Variants in PANK2 observed in about 807,000 individuals in gnomAD.
PANK2 encodes pantothenate kinase 2, mitochondrial.
In PANK2, 36 loss-of-function variants were observed where a neutral mutation model predicts 43.1. That is an observed-to-expected ratio of 0.84 (90% CI 0.64 to 1.10). The LOEUF is 1.10. PANK2 is among the 50% of genes least tolerant of loss of function. The pLI, the probability that PANK2 is intolerant of heterozygous loss-of-function variation, is 0.00. For synonymous variants in PANK2, 281 were observed against 238.2 expected, an observed-to-expected ratio of 1.18 and a Z score of -1.66; for missense variants, 576 against 593.3, an observed-to-expected ratio of 0.97 and a Z score of 0.30.
chr20:3,912,558 G>A lies in PANK2; in HGVS notation c.1006G>A (p.Val336Met), dbSNP rs770368638. ...GGCATCTCGTGGAGATAGCACCAAA[G>A]TGGATAAACTAGTACGAGATATTTA... Residue 336 changes from valine to methionine, a missense_variant, in exon 4 of 7, where the codon GTG becomes ATG. This residue lies in a region of PANK2 where 544 missense variants were observed against 528.9 expected (regional missense o/e 1.03). Coordinates refer to ENST00000610179, the MANE Select transcript of PANK2 (RefSeq NM_001386393.1). The A allele has an allele frequency of 1.2e-6, 2 of 1,614,196 alleles. No homozygotes were observed. The highest frequency in any genetic ancestry group is 2.2e-5 in the East Asian group (1 of 44,882).
rs368819545 is a variant in PANK2 at position 3,913,151 on chromosome 20, C to T, written c.1082+517C>T. 1.0e-3 allele frequency among the ~76,000 whole-genome samples: 152 copies of T among 152,016 alleles called. 3 individuals carry two copies. The South Asian group carries it at 0.029, about 29-fold the overall frequency. On this transcript the variant is annotated intron_variant, in intron 4 of 6. Transcript: ENST00000610179. The stretch of plus-strand genomic sequence containing the variant: ...AAAGAAACCTTGTGTTCATTAGCTA[C>T]GACTCTCCATTCCCCCCACAGCCCC...
In PANK2 at chr20:3,899,898, G is replaced by A. The variant is rs981727666; in HGVS notation, c.299-8028G>A. Among the ~76,000 whole-genome samples, 4 of 151,508 alleles carry A rather than the reference G, an allele frequency of 2.6e-5. No individual in the cohort carries two copies. The Admixed American group carries it at 2.6e-4, about 10-fold the overall frequency. Reference sequence around the variant, plus strand: ...AATGTTTTGTATTTTTAGTAGAGACGGGGTTTCACCATTCACAGGATGGTC... The same window carrying A: ...AATGTTTTGTATTTTTAGTAGAGACAGGGTTTCACCATTCACAGGATGGTC... On this transcript the variant is annotated intron_variant, in intron 1 of 6. Transcript: ENST00000610179.
rs71647846 is a variant in PANK2, at chr20:3,916,264, A to G, written c.1083-663A>G. On this transcript the variant is annotated intron_variant, in intron 4 of 6. Coordinates refer to ENST00000610179, the MANE Select transcript of PANK2 (RefSeq NM_001386393.1). ...GTTTAGAAGTACAATTGTTTTTCGT[A>G]TATTGGGGCACATGGCTTTTACTAA... 5.0e-3 allele frequency among the ~76,000 whole-genome samples: 758 copies of G among 152,294 alleles called. 5 individuals are homozygous for G. Among genetic ancestry groups the G allele is most frequent in the African/African-American group, 0.018 (734 of 41,546 alleles).
At chr20:3,897,421 C>T (rs933869671) in intron 1 of PANK2, among the ~76,000 whole-genome samples, 7 of 152,140 alleles carry the variant, frequency 4.6e-5, no homozygotes, top group African/African-American at 1.7e-4. Flanking sequence ...GAGCTCTAGG[C>T]TGGATGTGTT....
chr20:3,910,500 G>C, intron 2 of PANK2, 77 bp from the exon 3 acceptor site: 1 of 1,503,392 alleles, frequency 6.7e-7, no homozygotes, highest in Non-Finnish European at 9.2e-7. Context: ...TTCACGTAGT[G>C]GGGATGCCTT....
At chr20:3,915,843 G>T (rs903582274) in intron 4 of PANK2, among the ~76,000 whole-genome samples, 1 of 152,170 alleles carries the variant, frequency 6.6e-6, no homozygotes, top group African/African-American at 2.4e-5. Context: ...ATATATGTCT[G>T]TTTTTATACC....
intron 1 of PANK2, among the ~76,000 whole-genome samples, chr20:3,900,073 G>A (rs762256228): frequency 1.6e-4 from 24 of 151,710 alleles, no homozygotes; most frequent in Middle Eastern, 3.4e-3. Flanking sequence ...TTTTGTTTGT[G>A]TTGTTTGGTC....
intron 1 of PANK2, among the ~76,000 whole-genome samples, chr20:3,896,229 A>ATTTTTTTTTTT (rs35978823): frequency 6.3e-5 from 7 of 111,930 alleles, no homozygotes; most frequent in African/African-American, 2.4e-4. Flanking sequence ...CGCCTGGCTA[A>ATTTTTTTTTTT]TTTTTTTTTT....
intron 1 of PANK2, among the ~76,000 whole-genome samples, chr20:3,898,957 C>T (rs893111521): frequency 2.4e-4 from 37 of 151,818 alleles, no homozygotes; most frequent in African/African-American, 8.5e-4. Context: ...TCACTGCACC[C>T]TCTGCCTCCC....
In PANK2 at chr20:3,908,141, C is replaced by A. The variant is rs2090416784; in HGVS notation, c.514C>A (p.Leu172Met). 7 of 1,614,058 alleles carry A rather than the reference C, an allele frequency of 4.3e-6. No individual in the cohort carries two copies. The highest frequency in any genetic ancestry group is 5.9e-6 in the Non-Finnish European group (7 of 1,180,006). ...GACTCTGTGTGGACGCAAAGGCAAT[C>A]TGCACTTTATACGCTTTCCCACTCA... The change falls in exon 2 of 7, where the codon CTG becomes ATG. Residue 172 changes from leucine (L) to methionine (M), a missense_variant. Physicochemically the swap from Leu to Met is conservative, Grantham distance 15 (BLOSUM62 2). Coordinates refer to ENST00000610179, the MANE Select transcript of PANK2 (RefSeq NM_001386393.1).
At chr20:3,916,306 A>T (rs1439882450) in intron 4 of PANK2, among the ~76,000 whole-genome samples, 1 of 152,248 alleles carries the variant, frequency 6.6e-6, no homozygotes, top group Non-Finnish European at 1.5e-5. Flanking sequence ...AATCATATGT[A>T]TACATGCTTG....
rs762044608 is a variant in PANK2 at position 3,923,291 on chromosome 20, G to T, written c.1380G>T (p.Pro460=). The T allele has an allele frequency of 6.2e-7, 1 of 1,614,128 alleles. No individual in the cohort carries two copies. The highest frequency in any genetic ancestry group is 8.5e-7 in the Non-Finnish European group (1 of 1,179,998). Residue 460 remains proline, a synonymous_variant, in exon 7 of 7, where the codon CCG becomes CCT. Coordinates refer to ENST00000610179, the MANE Select transcript of PANK2 (RefSeq NM_001386393.1). Reference sequence around the variant, plus strand: ...CACTCCTTGAGCTGTTGAAGATCCCGTGATCATTACCTGGGGAGGGGTTCC... The same window carrying T: ...CACTCCTTGAGCTGTTGAAGATCCCTTGATCATTACCTGGGGAGGGGTTCC...
At position 3,889,495 on chromosome 20, in the gene PANK2, C is replaced by T. The variant is rs1329524108; in HGVS notation, c.65C>T (p.Pro22Leu). Residue 22 changes from proline to leucine, a missense_variant, in exon 1 of 7, where the codon CCC (proline) becomes CTC (leucine). This residue lies in a region of PANK2 where 544 missense variants were observed against 528.9 expected (regional missense o/e 1.03). Transcript: ENST00000610179. ...ATGGGAGGGGGCCGGCTCGGCGCGCCCATGGAGCGCCACGGCAGGGCTTCC... is the reference window on the plus strand; with the variant it reads ...ATGGGAGGGGGCCGGCTCGGCGCGCTCATGGAGCGCCACGGCAGGGCTTCC... 6.8e-7 allele frequency: 1 copy of T among 1,468,378 alleles called. No homozygotes were observed. The highest frequency in any genetic ancestry group is 2.6e-5 in the East Asian group (1 of 38,532). 91.0% of individuals were successfully genotyped at this position (1,468,378 alleles called of 1,614,324 possible).
intron 1 of PANK2, among the ~76,000 whole-genome samples, chr20:3,890,305 C>A (rs866181854): frequency 3.9e-5 from 6 of 152,152 alleles, no homozygotes; most frequent in African/African-American, 1.4e-4. Flanking sequence ...CCTCCGTTTT[C>A]CTTCTGTCTA....
chr20:3,909,980 A>T (rs189646887), intron 2 of PANK2, among the ~76,000 whole-genome samples: 45 of 152,356 alleles, frequency 3.0e-4, no homozygotes, highest in Admixed American at 5.9e-4. Context: ...GAATTAATTG[A>T]TTATGAAACA....
upstream of PANK2, chr20:3,888,846 G>A (rs889220996): frequency 6.2e-6 from 3 of 480,124 alleles, no homozygotes; most frequent in African/African-American, 5.9e-5. Context: ...AACATGCTGG[G>A]GGAGGGGCTG....
intron 6 of PANK2, among the ~76,000 whole-genome samples, chr20:3,919,064 A>C (rs2090608089): frequency 6.6e-6 from 1 of 151,918 alleles, no homozygotes; most frequent in African/African-American, 2.4e-5. Flanking sequence ...GCGCCCCCAC[A>C]CCCTGCTAAT....
intron 4 of PANK2, among the ~76,000 whole-genome samples, chr20:3,914,491 A>G (rs929227112): frequency 1.3e-5 from 2 of 150,912 alleles, no homozygotes; most frequent in Non-Finnish European, 3.0e-5. Context: ...TTTTTTTTGT[A>G]GAGATAGGGT....
intron 3 of PANK2, among the ~76,000 whole-genome samples, 200 bp downstream of exon 3, chr20:3,911,030 G>T (rs117284964): frequency 2.6e-5 from 4 of 152,142 alleles, no homozygotes; most frequent in Admixed American, 2.6e-4. Context: ...ATTATCCTAG[G>T]TGTTTCTTAA....
Sources: gnomAD v4.1 joint callset for allele counts (sites outside exome capture counted in the v4.1 genomes callset) on GRCh38, gnomAD v4.1.1 for gene constraint, gnomAD v4.1.1 regional missense constraint, MANE v1.5 for transcripts, NCBI Gene and HGNC (gene_info 2026-07-23, HGNC 2026-07-21) for gene names.